The following FAM124A variants were observed in gnomAD, a reference collection of about 807,000 sequenced individuals.
FAM124A encodes protein FAM124A.
A neutral mutation model predicts 24.5 loss-of-function variants in FAM124A; 23 were observed. That is an observed-to-expected ratio of 0.94 (90% CI 0.68 to 1.33). The LOEUF (loss-of-function observed/expected upper bound fraction) is 1.33. Ranked by LOEUF, FAM124A falls within the 40% of genes most tolerant of loss-of-function variation. The pLI, the probability that FAM124A is intolerant of heterozygous loss-of-function variation, is 0.00. For missense variants in FAM124A, 623 were observed against 722.8 expected (o/e 0.86, Z 1.58); for synonymous variants, 287 against 314.7 (o/e 0.91, Z 0.93).
At chr13:51,261,011 T>C (rs532962691) in intron 3 of FAM124A, among the ~76,000 whole-genome samples, 30 of 152,350 alleles carry the variant, frequency 2.0e-4, no homozygotes, top group African/African-American at 7.2e-4. Context: ...TAGTTTAAAT[T>C]AATAACAGGC....
At chr13:51,274,476 GTATTA>G in intron 3 of FAM124A, among the ~76,000 whole-genome samples, 2 of 152,278 alleles carry the variant, frequency 1.3e-5, no homozygotes, top group Admixed American at 1.3e-4. Flanking sequence ...TACTCAACCT[GTATTA>G]AACAAAGCTG....
At position 51,280,929 on chromosome 13, in the gene FAM124A, C is replaced by T. The variant is rs1954930262; in HGVS notation, c.1314C>T (p.Cys438=). The change falls in exon 4 of 4, where the codon TGC becomes TGT. Residue 438 remains cysteine, a synonymous_variant. Coordinates refer to ENST00000322475, the MANE Select transcript of FAM124A (RefSeq NM_001242312.2). The part of the protein sequence containing the change: ...VSAYSAPSRF[C]STVETPLPSE... Reference sequence around the variant, plus strand: ...CATATTCTGCACCCAGTAGGTTCTGCAGCACAGTGGAGACACCCCTCCCCT... The same window carrying T: ...CATATTCTGCACCCAGTAGGTTCTGTAGCACAGTGGAGACACCCCTCCCCT... 6.2e-7 allele frequency: 1 copy of T among 1,614,046 alleles called. No individual in the cohort carries two copies. The highest frequency in any genetic ancestry group is 8.5e-7 in the Non-Finnish European group (1 of 1,180,022).
intron 3 of FAM124A, among the ~76,000 whole-genome samples, chr13:51,265,267 T>C (rs1250891134): frequency 6.6e-6 from 1 of 152,100 alleles, no homozygotes; most frequent in Admixed American, 6.5e-5. Context: ...TCCACCTCTG[T>C]CTCTCACCGC....
At chr13:51,239,120 C>G (rs1954465742) in intron 2 of FAM124A, among the ~76,000 whole-genome samples, 1 of 152,182 alleles carries the variant, frequency 6.6e-6, no homozygotes. Context: ...CCAGAATCAT[C>G]AGGATTTCCC....
intron 3 of FAM124A, chr13:51,252,404 C>T (rs918291851): frequency 3.0e-6 from 2 of 660,198 alleles, no homozygotes; most frequent in Admixed American, 3.1e-5. Context: ...CATTGGTTCT[C>T]TTCATTTCAC....
chr13:51,247,261 G>A (rs1031819153), intron 2 of FAM124A, among the ~76,000 whole-genome samples: 1 of 152,222 alleles, frequency 6.6e-6, no homozygotes, highest in Non-Finnish European at 1.5e-5. Context: ...GGGATACAGT[G>A]GAGAGGCGAG....
At chr13:51,230,418 T>C (rs1375667671) in intron 1 of FAM124A, among the ~76,000 whole-genome samples, 1 of 152,222 alleles carries the variant, frequency 6.6e-6, no homozygotes, top group African/African-American at 2.4e-5. Context: ...ATAAAAGGAA[T>C]GTATATCTAT....
chr13:51,239,836 A>G (rs1234249190), intron 2 of FAM124A, among the ~76,000 whole-genome samples: 1 of 139,830 alleles, frequency 7.2e-6, no homozygotes, highest in Non-Finnish European at 1.6e-5. Context: ...ACATATGTAG[A>G]TAGATAGTAG....
At chr13:51,254,353 T>C (rs1360155911) in intron 3 of FAM124A, among the ~76,000 whole-genome samples, 1 of 152,214 alleles carries the variant, frequency 6.6e-6, no homozygotes, top group East Asian at 1.9e-4. Flanking sequence ...TTTTGGGGAC[T>C]TCCTCCTCCC....
intron 3 of FAM124A, among the ~76,000 whole-genome samples, chr13:51,271,811 G>A (rs1954842801): frequency 6.6e-6 from 1 of 152,122 alleles, no homozygotes; most frequent in Admixed American, 6.5e-5. Flanking sequence ...CCAGAGTGGA[G>A]GATGGTTAGG....
chr13:51,275,060 A>G (rs1297381167), intron 3 of FAM124A, among the ~76,000 whole-genome samples: 1 of 152,164 alleles, frequency 6.6e-6, no homozygotes, highest in Non-Finnish European at 1.5e-5. Flanking sequence ...TACTGGATGC[A>G]GTAGCAAAAA....
At chr13:51,239,165 A>G (rs2137659452) in intron 2 of FAM124A, among the ~76,000 whole-genome samples, 1 of 152,252 alleles carries the variant, frequency 6.6e-6, no homozygotes, top group South Asian at 2.1e-4. Flanking sequence ...AACTGCCACT[A>G]CTCCTTACCT....
chr13:51,275,072 T>C (rs1025127245), intron 3 of FAM124A, among the ~76,000 whole-genome samples: 10 of 151,968 alleles, frequency 6.6e-5, no homozygotes, highest in Non-Finnish European at 1.3e-4. Flanking sequence ...TAGCAAAAAG[T>C]TTTTAAAATA....
At chr13:51,235,642 C>G (rs988741083) in intron 2 of FAM124A, among the ~76,000 whole-genome samples, 2 of 152,212 alleles carry the variant, frequency 1.3e-5, no homozygotes, top group Non-Finnish European at 2.9e-5. Context: ...TCTATTTTGT[C>G]TCCTAATTTT....
At chr13:51,232,330 G>A (rs1014014162) in intron 2 of FAM124A, among the ~76,000 whole-genome samples, 1 of 152,122 alleles carries the variant, frequency 6.6e-6, no homozygotes, top group Non-Finnish European at 1.5e-5. Context: ...AAAAGTAATT[G>A]TCTTAATATA....
chr13:51,245,328 G>C (rs1954545816), intron 2 of FAM124A: 1 of 686,192 alleles, frequency 1.5e-6, no homozygotes, highest in African/African-American at 1.8e-5. Context: ...TCTCCACCTG[G>C]CGGATGCCAT....
rs201443401 is a variant in FAM124A at position 51,280,651 on chromosome 13, C to T, written c.1036C>T (p.Arg346Ter). 132 of 1,614,104 alleles carry T rather than the reference C, an allele frequency of 8.2e-5. No individual in the cohort carries two copies. The East Asian group carries it at 1.2e-3, about 15-fold the overall frequency. The change falls in exon 4 of 4, where the codon CGA becomes TGA. Residue 346 changes from arginine to a stop codon, truncating the protein, a stop_gained. Coordinates refer to ENST00000322475, the MANE Select transcript of FAM124A (RefSeq NM_001242312.2). LOFTEE classifies it low-confidence loss of function (END_TRUNC). ...PPGHQQEFAG[R>*]ANSTPNPPWS... ...TGGGCACCAGCAGGAATTTGCCGGACGAGCCAACAGCACCCCCAACCCTCC... is the reference window on the plus strand; with the variant it reads ...TGGGCACCAGCAGGAATTTGCCGGATGAGCCAACAGCACCCCCAACCCTCC...
In FAM124A at chr13:51,231,362, A is replaced by C. The variant is rs779888259; in HGVS notation, c.83A>C (p.His28Pro). Residue 28 changes from histidine (H) to proline (P), a missense_variant, in exon 2 of 4, where the codon CAC becomes CCC. Coordinates refer to ENST00000322475, the MANE Select transcript of FAM124A (RefSeq NM_001242312.2). ...GAETGGSDYS[H>P]LSSTSSELSV... ...TTGTGTTTCAGGTCCGACTACAGCCACCTGTCCTCCACGAGCAGTAAGTAT... is the reference window on the plus strand; with the variant it reads ...TTGTGTTTCAGGTCCGACTACAGCCCCCTGTCCTCCACGAGCAGTAAGTAT... 1.2e-6 allele frequency: 2 copies of C among 1,613,922 alleles called. No homozygotes were observed. Among genetic ancestry groups the C allele is most frequent in the Non-Finnish European group, 1.7e-6 (2 of 1,179,964 alleles).
chr13:51,252,067 A>C lies in FAM124A; in HGVS notation c.700A>C (p.Thr234Pro), dbSNP rs1418586785. The change falls in exon 3 of 4, where the codon ACC becomes CCC. Residue 234 changes from threonine (T) to proline (P), a missense_variant. By Grantham distance (38) the Thr-to-Pro change is conservative. Coordinates refer to ENST00000322475, the MANE Select transcript of FAM124A (RefSeq NM_001242312.2). ...GCCCTGTGACCAGTGCCCGGTGCCCACCGACTCCTCCGTGCTGGAGTTCCG... is the reference window on the plus strand; with the variant it reads ...GCCCTGTGACCAGTGCCCGGTGCCCCCCGACTCCTCCGTGCTGGAGTTCCG... ...RLPCDQCPVPTDSSVLEFRVR... is the reference protein window; with the variant it reads ...RLPCDQCPVPPDSSVLEFRVR... 4 of 1,613,930 alleles carry C rather than the reference A, an allele frequency of 2.5e-6. No homozygotes were observed. In the African/African-American group the frequency reaches 5.3e-5, roughly 22 times the overall value.
Sources: allele counts gnomAD v4.1 joint callset (sites outside exome capture counted in the v4.1 genomes callset), GRCh38; gene constraint gnomAD v4.1.1; transcripts MANE v1.5; gene names NCBI Gene and HGNC (gene_info 2026-07-23, HGNC 2026-07-21).